CTDP1: variants seen among roughly 807,000 people sequenced by gnomAD.
The protein encoded by CTDP1 is RNA polymerase II subunit A C-terminal domain phosphatase.
CTDP1 carries 47 observed loss-of-function variants against 91.8 expected under a neutral mutation model. That is an observed-to-expected ratio of 0.51 (90% CI 0.41 to 0.65). CTDP1 has a LOEUF of 0.65. Ranked by LOEUF, CTDP1 falls within the 30% of genes least tolerant of loss-of-function variation. CTDP1 has a pLI of 0.00. For missense variants in CTDP1, 1,272 were observed against 1,373.7 expected (o/e 0.93, Z 1.17); for synonymous variants, 656 against 598.5 (o/e 1.10, Z -1.40).
In CTDP1 at chr18:79,714,945, G is replaced by A; in HGVS notation, c.1485G>A (p.Gly495=). ...CGAAGGCTGCCCCAGAGGGAGCCGGGGCGCTGGCACAGGGCAGTTCCCTGG... is the reference window on the plus strand; with the variant it reads ...CGAAGGCTGCCCCAGAGGGAGCCGGAGCGCTGGCACAGGGCAGTTCCCTGG... ...QKPKAAPEGA[G]ALAQGSSLEP... is the part of the protein sequence containing the mutation. Residue 495 remains glycine (G), a synonymous_variant, in exon 8 of 13, where the codon GGG becomes GGA. Coordinates refer to ENST00000613122, the MANE Select transcript of CTDP1 (RefSeq NM_004715.5). The A allele has an allele frequency of 6.4e-7, 1 of 1,563,878 alleles. No homozygotes were observed. Among genetic ancestry groups the A allele is most frequent in the Non-Finnish European group, 8.7e-7 (1 of 1,154,426 alleles).
At chr18:79,755,808 AC>A (rs1292193848), downstream of CTDP1, 1 of 152,320 alleles carries the variant, frequency 6.6e-6, no homozygotes, top group Non-Finnish European at 1.5e-5. Context: ...GAGAACGGGG[AC>A]CTCTGCTGCT....
downstream of CTDP1, chr18:79,755,198 T>TA (rs1365639744): frequency 2.0e-5 from 3 of 152,152 alleles, no homozygotes; most frequent in Non-Finnish European, 4.4e-5. Context: ...AAGGCACCGT[T>TA]ACCCAGCAGC....
At chr18:79,696,220 T>C (rs1186642009) in intron 3 of CTDP1, 150 bp downstream of exon 3, 2 of 748,636 alleles carry the variant, frequency 2.7e-6, no homozygotes, top group South Asian at 1.5e-5. Flanking sequence ...CTTATGGGAC[T>C]GCGGCCTTCC....
chr18:79,697,143 A>AG (rs11463584), intron 3 of CTDP1, among the ~76,000 whole-genome samples: 17,967 of 152,262 alleles, frequency 0.12, 1,466 homozygotes, highest in Non-Finnish European at 0.18. Flanking sequence ...GGGAGGAGGA[A>AG]GTACCCCCCA....
At chr18:79,721,828 A>AT (rs200327297) in intron 10 of CTDP1, among the ~76,000 whole-genome samples, 30,636 of 146,052 alleles carry the variant, frequency 0.21, 3,345 homozygotes, top group Middle Eastern at 0.3. Flanking sequence ...ATTTTTATTT[A>AT]TTTTTTTTTT....
At chr18:79,705,608 C>T (rs2085952022) in intron 5 of CTDP1, among the ~76,000 whole-genome samples, 1 of 151,774 alleles carries the variant, frequency 6.6e-6, no homozygotes, top group South Asian at 2.1e-4. Flanking sequence ...CCGTCTGTCC[C>T]ACGTGGACAA....
intron 10 of CTDP1, among the ~76,000 whole-genome samples, chr18:79,719,950 C>T (rs1407500755): frequency 2.0e-5 from 3 of 146,374 alleles, no homozygotes; most frequent in Non-Finnish European, 4.5e-5. Flanking sequence ...ATTAGGAAGG[C>T]ATCCTGGTGA....
intron 12 of CTDP1, among the ~76,000 whole-genome samples, chr18:79,747,226 G>A (rs968208649): frequency 5.3e-5 from 8 of 152,168 alleles, no homozygotes; most frequent in Non-Finnish European, 8.8e-5. Context: ...CGGAGGGGAG[G>A]GTCAGGTGTG....
At chr18:79,756,333 T>C (rs2087093100), downstream of CTDP1, 1 of 152,310 alleles carries the variant, frequency 6.6e-6, no homozygotes, top group Non-Finnish European at 1.5e-5. Context: ...CAGCCCTGAC[T>C]GGAGCAACTC....
chr18:79,720,860 C>T (rs1366369806), intron 10 of CTDP1, among the ~76,000 whole-genome samples: 1 of 152,228 alleles, frequency 6.6e-6, no homozygotes, highest in South Asian at 2.1e-4. Flanking sequence ...GGCCACCTCA[C>T]TGTCCAGCTT....
intron 10 of CTDP1, among the ~76,000 whole-genome samples, chr18:79,718,431 C>T (rs1364065013): frequency 1.3e-5 from 2 of 152,188 alleles, no homozygotes; most frequent in Non-Finnish European, 2.9e-5. Flanking sequence ...CCCAGGCTGC[C>T]CTCTTCGTTT....
intron 12 of CTDP1, among the ~76,000 whole-genome samples, chr18:79,746,619 A>G (rs1381436889): frequency 6.6e-6 from 1 of 152,152 alleles, no homozygotes; most frequent in Non-Finnish European, 1.5e-5. Flanking sequence ...TGCCCACCCC[A>G]TACTTAGGGG....
In CTDP1 at chr18:79,736,498, C is replaced by G. The variant is rs775966859; in HGVS notation, c.2724C>G (p.Ser908Arg). 1 of 1,546,078 alleles carries G rather than the reference C, an allele frequency of 6.5e-7. No homozygotes were observed. The change falls in exon 12 of 13, where the codon AGC becomes AGG. Residue 908 changes from serine (S) to arginine (R), a missense_variant. Transcript: ENST00000613122. Reference sequence around the variant, plus strand: ...GGGCACCTGCGTCCAGCGAGAGGAGCGCGGCAGGGGGCCGGGGGCCCAGGT... The same window carrying G: ...GGGCACCTGCGTCCAGCGAGAGGAGGGCGGCAGGGGGCCGGGGGCCCAGGT... ...TLGAPASSER[S>R]AAGGRGPRGH...
At chr18:79,734,416 A>G (rs1485246937) in intron 11 of CTDP1, among the ~76,000 whole-genome samples, 1 of 152,240 alleles carries the variant, frequency 6.6e-6, no homozygotes, top group Non-Finnish European at 1.5e-5. Flanking sequence ...TCGGAGGAGC[A>G]TGATGTAGGC....
chr18:79,709,174 C>G (rs890498414), intron 5 of CTDP1, among the ~76,000 whole-genome samples: 1 of 152,188 alleles, frequency 6.6e-6, no homozygotes, highest in Non-Finnish European at 1.5e-5. Flanking sequence ...AATAAATTAC[C>G]TGAAAGGTTG....
At chr18:79,689,274 G>T (rs1265026311) in intron 1 of CTDP1, among the ~76,000 whole-genome samples, 1 of 152,174 alleles carries the variant, frequency 6.6e-6, no homozygotes, top group Non-Finnish European at 1.5e-5. Context: ...AGTGAAGGTG[G>T]TGTCTGTTGT....
At chr18:79,720,877 A>G (rs1180444786) in intron 10 of CTDP1, among the ~76,000 whole-genome samples, 1 of 152,196 alleles carries the variant, frequency 6.6e-6, no homozygotes, top group Non-Finnish European at 1.5e-5. Context: ...GCTTGGCCAC[A>G]GTGTTGGGGG....
intron 5 of CTDP1, among the ~76,000 whole-genome samples, chr18:79,706,803 G>A (rs1473155090): frequency 6.6e-6 from 1 of 152,224 alleles, no homozygotes; most frequent in African/African-American, 2.4e-5. Context: ...ACTGCACGCC[G>A]CATGGCCTGC....
intron 1 of CTDP1, among the ~76,000 whole-genome samples, chr18:79,691,507 G>GACTCGGGGTGGGGGAGGAGT (rs1490613234): frequency 8.0e-6 from 1 of 125,460 alleles, no homozygotes; most frequent in African/African-American, 2.9e-5. Context: ...ACTCGGGGTG[G>GACTCGGGGTGGGGGAGGAGT]GGAGGAGTGG....
Sources: allele counts gnomAD v4.1 joint callset (sites outside exome capture counted in the v4.1 genomes callset), GRCh38; gene constraint gnomAD v4.1.1; transcripts MANE v1.5; gene names NCBI Gene and HGNC (gene_info 2026-07-23, HGNC 2026-07-21).